The following PAPSS1 variants were observed in gnomAD, a reference collection of about 807,000 sequenced individuals.
PAPSS1 encodes 3'-phosphoadenosine 5'-phosphosulfate synthase 1.
A neutral mutation model predicts 72.0 loss-of-function variants in PAPSS1; 50 were observed. That is an observed-to-expected ratio of 0.69 (90% CI 0.55 to 0.88). PAPSS1 has a LOEUF of 0.88. Among genes scored for constraint, PAPSS1 ranks in the 40% least tolerant of loss-of-function variants. The pLI is 0.00. For missense variants in PAPSS1, 657 were observed against 782.2 expected (o/e 0.84, Z 1.91); for synonymous variants, 261 against 263.6 (o/e 0.99, Z 0.09).
chr4:107,698,557 A>G (rs1436276446), intron 2 of PAPSS1, among the ~76,000 whole-genome samples: 2 of 152,212 alleles, frequency 1.3e-5, no homozygotes, highest in African/African-American at 2.4e-5. Context: ...CACTGCCTCC[A>G]TGAATGGGGA....
chr4:107,669,668 T>C (rs1034791067), intron 5 of PAPSS1, among the ~76,000 whole-genome samples: 10 of 152,226 alleles, frequency 6.6e-5, no homozygotes, highest in Admixed American at 1.3e-4. Context: ...TGAAGTCATT[T>C]ATTCAGAAAA....
chr4:107,619,963 T>A (rs1725914221), intron 11 of PAPSS1, among the ~76,000 whole-genome samples: 1 of 152,152 alleles, frequency 6.6e-6, no homozygotes. Flanking sequence ...CTTGACTAAC[T>A]CCAAAGTAGA....
intron 3 of PAPSS1, among the ~76,000 whole-genome samples, chr4:107,692,484 A>G (rs1722953489): frequency 6.6e-6 from 1 of 152,176 alleles, no homozygotes; most frequent in African/African-American, 2.4e-5. Flanking sequence ...ATCAGGAAAC[A>G]ATAGATGCTG....
At chr4:107,619,617 T>A (rs1000662688) in intron 11 of PAPSS1, among the ~76,000 whole-genome samples, 1 of 152,210 alleles carries the variant, frequency 6.6e-6, no homozygotes, top group Admixed American at 6.5e-5. Context: ...AAATTATCTC[T>A]GAACTTCACC....
intron 11 of PAPSS1, among the ~76,000 whole-genome samples, chr4:107,621,662 C>A (rs1389575768): frequency 8.2e-6 from 1 of 122,424 alleles, no homozygotes; most frequent in African/African-American, 3.2e-5. Context: ...GCTCTGTCAC[C>A]CAGGCTGGAG....
chr4:107,645,891 C>G (rs1726680134), intron 9 of PAPSS1, among the ~76,000 whole-genome samples: 1 of 152,208 alleles, frequency 6.6e-6, no homozygotes, highest in Admixed American at 6.5e-5. Context: ...AGTACATCAT[C>G]TCCAATCTGT....
rs957120963 is a variant in PAPSS1 at position 107,693,804 on chromosome 4, C to T, written c.378G>A (p.Val126=). The stretch of plus-strand genomic sequence containing the variant: ...AAGGTGATATGAAACTTGTGATGCA[C>T]ACTAAGCCAGCATCTGCAAACAGTT... ...VAKLFADAGL[V]CITSFISPYT... The change falls in exon 3 of 12, where the codon GTG becomes GTA. Residue 126 remains valine, a synonymous_variant. Transcript: ENST00000265174. The T allele has an allele frequency of 6.2e-7, 1 of 1,613,652 alleles. No individual in the cohort carries two copies. The highest frequency in any genetic ancestry group is 8.5e-7 in the Non-Finnish European group (1 of 1,179,762).
At position 107,656,977 on chromosome 4, in the gene PAPSS1, C is replaced by G; in HGVS notation, c.814G>C (p.Glu272Gln). ...VDMQWVQVLAEGWATPLNGFM... is the reference protein window; with the variant it reads ...VDMQWVQVLAQGWATPLNGFM... ...CCATTCAATGGGGTTGCCCAACCTTCTGCCAAAACCTGCACCCACTGCATA... is the reference window on the plus strand; with the variant it reads ...CCATTCAATGGGGTTGCCCAACCTTGTGCCAAAACCTGCACCCACTGCATA... Residue 272 changes from glutamate (E) to glutamine (Q), a missense_variant, in exon 7 of 12, where the codon GAA (glutamate) becomes CAA (glutamine). Glu to Gln is a conservative substitution (Grantham distance 29, BLOSUM62 2). Transcript: ENST00000265174. 1 of 1,613,894 alleles carries G rather than the reference C, an allele frequency of 6.2e-7. No homozygotes were observed. Among genetic ancestry groups the G allele is most frequent in the Non-Finnish European group, 8.5e-7 (1 of 1,179,784 alleles).
Position 107,687,072 on chromosome 4 carries a change from G to A in PAPSS1, c.517C>T (p.Leu173Phe), listed in dbSNP as rs1446974405. Residue 173 changes from leucine (L) to phenylalanine (F), a missense_variant, in exon 4 of 12, where the codon CTC becomes TTC. Around this residue, in one of 7 missense-constraint regions of PAPSS1, gnomAD observed 119 missense variants for 171.1 expected, o/e 0.70. Transcript: ENST00000265174. Reference protein sequence around the residue: ...HVCEQRDVKGLYKKARAGEIK... With the variant: ...HVCEQRDVKGFYKKARAGEIK... ...TCTCCTGCCCGGGCTTTTTTGTAGA[G>A]TCCTTTGACATCCCTCTGTTCACAA... 1 of 1,598,276 alleles carries A rather than the reference G, an allele frequency of 6.3e-7. No homozygotes were observed. The highest frequency in any genetic ancestry group is 8.5e-7 in the Non-Finnish European group (1 of 1,174,568).
chr4:107,710,552 A>C (rs1723464071), intron 1 of PAPSS1, among the ~76,000 whole-genome samples: 1 of 152,230 alleles, frequency 6.6e-6, no homozygotes. Context: ...CAGATAGCTG[A>C]AAGAACACTC....
chr4:107,654,878 T>C lies in PAPSS1; in HGVS notation c.918A>G (p.Val306=). 1.2e-6 allele frequency: 2 copies of C among 1,613,730 alleles called. No individual in the cohort carries two copies. Among genetic ancestry groups the C allele is most frequent in the Non-Finnish European group, 8.5e-7 (1 of 1,179,816 alleles). The part of the protein sequence containing the change: ...LLDGGVINLS[V]PIVLTATHED... ...CATGAGTCGCAGTCAGAACTATAGG[T>C]ACTGACAAGTTAATGACACCTCCTG... Residue 306 remains valine (V), a synonymous_variant, in exon 8 of 12, where the codon GTA becomes GTG. Transcript: ENST00000265174.
intron 2 of PAPSS1, among the ~76,000 whole-genome samples, chr4:107,700,134 T>C (rs187193959): frequency 6.5e-4 from 99 of 152,164 alleles, no homozygotes; most frequent in Non-Finnish European, 1.3e-3. Context: ...TGTCTAAAAA[T>C]GAAACATGAT....
chr4:107,671,959 G>A (rs1261569587), intron 5 of PAPSS1, among the ~76,000 whole-genome samples: 1 of 151,984 alleles, frequency 6.6e-6, no homozygotes, highest in Non-Finnish European at 1.5e-5. Flanking sequence ...TTCTAACGCT[G>A]ATATGGCAAA....
At chr4:107,615,887 A>G (rs2110293321) in intron 11 of PAPSS1, among the ~76,000 whole-genome samples, 2 of 152,318 alleles carry the variant, frequency 1.3e-5, no homozygotes, top group Middle Eastern at 6.8e-3. Context: ...ACATAAGGAC[A>G]CAGCAAGAAG....
intron 5 of PAPSS1, among the ~76,000 whole-genome samples, chr4:107,677,359 T>A (rs1161421125): frequency 3.3e-5 from 5 of 151,860 alleles, no homozygotes; most frequent in Non-Finnish European, 5.9e-5. Context: ...AACAACCCCA[T>A]CAAAAAGTGG....
chr4:107,716,406 C>T (rs1240920950), intron 1 of PAPSS1, among the ~76,000 whole-genome samples: 1 of 152,164 alleles, frequency 6.6e-6, no homozygotes, highest in Non-Finnish European at 1.5e-5. Context: ...TGGGCTGGAG[C>T]TATGGAAATT....
intron 9 of PAPSS1, among the ~76,000 whole-genome samples, chr4:107,652,931 T>C (rs1307972918): frequency 6.6e-6 from 1 of 152,142 alleles, no homozygotes; most frequent in Non-Finnish European, 1.5e-5. Flanking sequence ...GTATCATTGG[T>C]ACAATGGTAT....
chr4:107,694,536 T>G (rs1418122212), intron 2 of PAPSS1, among the ~76,000 whole-genome samples: 1 of 152,190 alleles, frequency 6.6e-6, no homozygotes, highest in Non-Finnish European at 1.5e-5. Context: ...GAATTCACTT[T>G]GTCCTCTCGT....
intron 5 of PAPSS1, among the ~76,000 whole-genome samples, chr4:107,678,686 CA>C (rs1727725962): frequency 6.6e-6 from 1 of 152,144 alleles, no homozygotes; most frequent in African/African-American, 2.4e-5. Flanking sequence ...GTACCAGACA[CA>C]AGGGGTCCTG....
Sources: allele counts gnomAD v4.1 joint callset (sites outside exome capture counted in the v4.1 genomes callset), GRCh38; gene constraint gnomAD v4.1.1; regional missense constraint gnomAD v4.1.1; transcripts MANE v1.5; gene names NCBI Gene and HGNC (gene_info 2026-07-23, HGNC 2026-07-21).